Variants in PRKDC observed in about 807,000 individuals in gnomAD.
PRKDC encodes DNA-dependent protein kinase catalytic subunit.
Under a neutral mutation model 486.9 loss-of-function variants are expected in PRKDC, and 82 were observed. The ratio of observed to expected loss-of-function variants is 0.17; its 90% CI spans 0.14 to 0.20. PRKDC has a LOEUF of 0.20. Ranked by LOEUF, PRKDC falls within the 10% of genes least tolerant of loss-of-function variation. PRKDC has a pLI of 1.00. For missense variants in PRKDC, 4,504 were observed against 5,038.2 expected, an observed-to-expected ratio of 0.89 and a Z score of 3.21; for synonymous variants, 1,895 against 1,837.0, an observed-to-expected ratio of 1.03 and a Z score of -0.81.
chr8:47,778,214 C>A (rs953888292), intron 83 of PRKDC, among the ~76,000 whole-genome samples: 5 of 152,188 alleles, frequency 3.3e-5, no homozygotes, highest in Non-Finnish European at 7.3e-5. Context: ...TTCTTAGAGT[C>A]TTCCTTTGAT....
chr8:47,909,273 C>T (rs975127627), intron 25 of PRKDC, among the ~76,000 whole-genome samples: 2 of 152,176 alleles, frequency 1.3e-5, no homozygotes, highest in African/African-American at 2.4e-5. Flanking sequence ...TTATCAGTTC[C>T]CAAAATTAAT....
At chr8:47,821,277 T>C (rs1418552633) in intron 65 of PRKDC, among the ~76,000 whole-genome samples, 1 of 152,134 alleles carries the variant, frequency 6.6e-6, no homozygotes, top group East Asian at 1.9e-4. Flanking sequence ...GAGCCTCTTG[T>C]CACAGGAGCT....
intron 1 of PRKDC, chr8:47,959,242 A>G (rs1393554266): frequency 6.6e-6 from 1 of 152,258 alleles, no homozygotes. Flanking sequence ...CAAAGGGGAA[A>G]AAGTTCCCAC....
At chr8:47,815,151 A>C (rs2087416669) in intron 68 of PRKDC, among the ~76,000 whole-genome samples, 1 of 152,224 alleles carries the variant, frequency 6.6e-6, no homozygotes, top group African/African-American at 2.4e-5. Flanking sequence ...GTCTCAAAAA[A>C]AAGAAAAGTT....
intron 14 of PRKDC, 139 bp downstream of exon 14, chr8:47,934,870 A>G (rs1400394428): frequency 1.0e-5 from 6 of 600,718 alleles, no homozygotes; most frequent in African/African-American, 5.7e-5. Context: ...TATGTCCTAC[A>G]CTTTTCAAAA....
At chr8:47,867,109 ACTATGATATTT>A (rs1227198863) in intron 40 of PRKDC, among the ~76,000 whole-genome samples, 9 of 152,192 alleles carry the variant, frequency 5.9e-5, no homozygotes, top group Non-Finnish European at 1.2e-4. Context: ...ACTTTAAAAT[ACTATGATATTT>A]CTTTGCAATG....
rs1395514541 is a variant in PRKDC at position 47,878,502 on chromosome 8, A to G, written c.5236-651T>C. Among the ~76,000 whole-genome samples the G allele has an allele frequency of 4.6e-5, 7 of 152,064 alleles. No homozygotes were observed. The East Asian group carries it at 7.7e-4, about 17-fold the overall frequency. ...CTTCAACAGGCCCCCCTCCTTCACCATGCCAGGGACTCTCGCCCTTACTCT... is the reference window on the plus strand; with the variant it reads ...CTTCAACAGGCCCCCCTCCTTCACCGTGCCAGGGACTCTCGCCCTTACTCT... On this transcript the variant is annotated intron_variant, in intron 39 of 85. Coordinates refer to ENST00000314191, the MANE Select transcript of PRKDC (RefSeq NM_006904.7).
Position 47,830,636 on chromosome 8 carries a change from C to A in PRKDC, c.8366G>T (p.Ser2789Ile). ...DLPDIQIKHSSLITPLQAVAQ... is the reference protein window; with the variant it reads ...DLPDIQIKHSILITPLQAVAQ... ...CACGGCCTGTAACGGGGTGATGAGG[C>A]TGCTGTGCTTGATCTGAATGTCAGG... The change falls in exon 61 of 86, where the codon AGC becomes ATC. Residue 2789 changes from serine (S) to isoleucine (I), a missense_variant. Ser to Ile is a moderately radical substitution (Grantham distance 142, BLOSUM62 -2). This residue lies in a region of PRKDC where 1,592 missense variants were observed against 1,724.6 expected (regional missense o/e 0.92). Transcript: ENST00000314191. 6.2e-7 allele frequency: 1 copy of A among 1,613,978 alleles called. No individual in the cohort carries two copies. The highest frequency in any genetic ancestry group is 8.5e-7 in the Non-Finnish European group (1 of 1,179,872).
intron 60 of PRKDC, among the ~76,000 whole-genome samples, chr8:47,831,169 G>A (rs566266047): frequency 2.0e-5 from 3 of 152,246 alleles, no homozygotes; most frequent in African/African-American, 7.2e-5. Context: ...TGCCCCGGGG[G>A]CGCAGCCCGG....
At chr8:47,810,227 G>A (rs1490854288) in intron 68 of PRKDC, among the ~76,000 whole-genome samples, 1 of 152,140 alleles carries the variant, frequency 6.6e-6, no homozygotes, top group African/African-American at 2.4e-5. Flanking sequence ...TATCTTACCT[G>A]CAGTTTTGCT....
Position 47,957,278 on chromosome 8 carries a change from A to G in PRKDC, c.232-15T>C. The stretch of plus-strand genomic sequence containing the variant: ...CATTCACGAAACTGTAATGAAAGAG[A>G]TACATATTGTAAATATGGGTAAGAG... On this transcript the variant is annotated splice_polypyrimidine_tract_variant and intron_variant, in intron 2 of 85. Transcript: ENST00000314191. 1.3e-6 allele frequency: 2 copies of G among 1,585,206 alleles called. No individual in the cohort carries two copies. The highest frequency in any genetic ancestry group is 1.7e-6 in the Non-Finnish European group (2 of 1,157,034).
chr8:47,805,919 C>T (rs2087206969), intron 69 of PRKDC, among the ~76,000 whole-genome samples: 1 of 152,134 alleles, frequency 6.6e-6, no homozygotes. Context: ...TCTTTCTCTG[C>T]CTTTGCTTTC....
At position 47,788,945 on chromosome 8, in the gene PRKDC, C is replaced by T. The variant is rs756191561; in HGVS notation, c.10863G>A (p.Lys3621=). ...TTCTAAAGGCCCCCAGGCCTGGAGC[C>T]TTTGGGTCACCCAAGGCTGCATACA... ...ERMYAALGDP[K]APGLGAFRRK... The change falls in exon 76 of 86, where the codon AAG becomes AAA. Residue 3621 remains lysine, a synonymous_variant. Coordinates refer to ENST00000314191, the MANE Select transcript of PRKDC (RefSeq NM_006904.7). The T allele has an allele frequency of 1.9e-5, 30 of 1,611,980 alleles. No homozygotes were observed. The highest frequency in any genetic ancestry group is 2.5e-5 in the Non-Finnish European group (30 of 1,179,308).
At chr8:47,799,860 C>T (rs1185332766) in intron 71 of PRKDC, among the ~76,000 whole-genome samples, 2 of 152,054 alleles carry the variant, frequency 1.3e-5, no homozygotes, top group Non-Finnish European at 2.9e-5. Context: ...GCAAAGCAGG[C>T]ACTAAATAAA....
At chr8:47,788,050 T>A (rs1307966415) in intron 76 of PRKDC, among the ~76,000 whole-genome samples, 2 of 152,216 alleles carry the variant, frequency 1.3e-5, no homozygotes, top group Non-Finnish European at 2.9e-5. Context: ...GTTCCAAGAC[T>A]TATCTATGCC....
intron 27 of PRKDC, among the ~76,000 whole-genome samples, chr8:47,902,318 C>T (rs192057514): frequency 2.7e-4 from 41 of 152,330 alleles, no homozygotes; most frequent in African/African-American, 8.7e-4. Context: ...CCCAAAGCCC[C>T]TGTATATGTG....
intron 74 of PRKDC, 76 bp downstream of exon 74, chr8:47,794,214 T>C: frequency 1.7e-6 from 2 of 1,162,110 alleles, no homozygotes; most frequent in Non-Finnish European, 2.5e-6. Flanking sequence ...AAATGTAGTG[T>C]CCACGTGTGT....
chr8:47,866,833 C>G (rs889882377), intron 40 of PRKDC, among the ~76,000 whole-genome samples: 1 of 152,062 alleles, frequency 6.6e-6, no homozygotes, highest in African/African-American at 2.4e-5. Flanking sequence ...AGGAATCTAC[C>G]CCAAAGATAC....
At position 47,939,712 on chromosome 8, in the gene PRKDC, T is replaced by C. The variant is rs1384737660; in HGVS notation, c.967-15A>G. 15 of 1,554,084 alleles carry C rather than the reference T, an allele frequency of 9.7e-6. No homozygotes were observed. Among genetic ancestry groups the C allele is most frequent in the East Asian group, 4.5e-5 (2 of 44,118 alleles). The stretch of plus-strand genomic sequence containing the variant: ...ATATTAGAAACCTGCAAATACATAA[T>C]ATTTATTTTTTTGGAAATATTTAAT... On this transcript the variant is annotated splice_polypyrimidine_tract_variant and intron_variant, in intron 10 of 85. Coordinates refer to ENST00000314191, the MANE Select transcript of PRKDC (RefSeq NM_006904.7).
Sources: gnomAD v4.1 joint callset for allele counts (sites outside exome capture counted in the v4.1 genomes callset) on GRCh38, gnomAD v4.1.1 for gene constraint, gnomAD v4.1.1 regional missense constraint, MANE v1.5 for transcripts, NCBI Gene and HGNC (gene_info 2026-07-23, HGNC 2026-07-21) for gene names.